The following RNLS variants were observed in gnomAD, a reference collection of about 807,000 sequenced individuals.
RNLS encodes the protein renalase.
Under a neutral mutation model 39.8 loss-of-function variants are expected in RNLS, and 39 were observed. The observed-to-expected ratio is 0.98, with a 90% CI of 0.76 to 1.28. The LOEUF is 1.28. Ranked by LOEUF, RNLS falls within the 50% of genes most tolerant of loss-of-function variation. The pLI is 0.00. For synonymous variants in RNLS, 147 were observed against 150.7 expected (o/e 0.98, Z 0.18); for missense variants, 410 against 413.3 (o/e 0.99, Z 0.07).
the RNLS span, among the ~76,000 whole-genome samples, chr10:88,225,991 G>A: frequency 6.6e-6 from 1 of 151,904 alleles, no homozygotes; most frequent in Admixed American, 6.6e-5. Flanking sequence ...CTACTGGAGT[G>A]TTTTGTATTA....
chr10:88,217,778 G>C, the RNLS span, among the ~76,000 whole-genome samples: 1 of 140,594 alleles, frequency 7.1e-6, no homozygotes, highest in Non-Finnish European at 1.5e-5. Flanking sequence ...AGTGGCTCAC[G>C]CCTGTAATCC....
intron 3 of RNLS, among the ~76,000 whole-genome samples, chr10:88,581,196 G>T (rs1238511571): frequency 6.6e-6 from 1 of 151,444 alleles, no homozygotes; most frequent in Non-Finnish European, 1.5e-5. Flanking sequence ...TCCAAGATAT[G>T]AGTCAAACAA....
At chr10:88,445,752 A>T (rs894268535) in intron 4 of RNLS, among the ~76,000 whole-genome samples, 1 of 152,268 alleles carries the variant, frequency 6.6e-6, no homozygotes, top group Non-Finnish European at 1.5e-5. Context: ...TCAATTCCAC[A>T]GGAAGAGCTA....
intron 4 of RNLS, among the ~76,000 whole-genome samples, chr10:88,539,669 T>A (rs1434074295): frequency 6.6e-6 from 1 of 152,122 alleles, no homozygotes; most frequent in East Asian, 1.9e-4. Context: ...AATCAATCTC[T>A]GTAAATATCT....
chr10:88,181,248 C>T, the RNLS span, among the ~76,000 whole-genome samples: 4 of 152,096 alleles, frequency 2.6e-5, no homozygotes, highest in Non-Finnish European at 5.9e-5. Context: ...TCTCTAGAAG[C>T]TAGGAGCAGT....
chr10:88,218,256 A>C, the RNLS span, among the ~76,000 whole-genome samples: 1 of 152,246 alleles, frequency 6.6e-6, no homozygotes, highest in Non-Finnish European at 1.5e-5. Context: ...TGTGCCTGTC[A>C]AAATATAAGC....
the RNLS span, among the ~76,000 whole-genome samples, chr10:88,244,991 G>C: frequency 6.6e-6 from 1 of 152,122 alleles, no homozygotes; most frequent in South Asian, 2.1e-4. Context: ...GTGTCCTCGT[G>C]ATCAGTTGAG....
chr10:88,495,714 G>A (rs1536252), intron 4 of RNLS, among the ~76,000 whole-genome samples: 28,471 of 151,992 alleles, frequency 0.19, 2,938 homozygotes, highest in Middle Eastern at 0.29. Flanking sequence ...GTGGGGCAGG[G>A]ATGGGATGAG....
intron 4 of RNLS, among the ~76,000 whole-genome samples, chr10:88,383,781 T>C (rs1431643059): frequency 3.3e-5 from 5 of 152,172 alleles, no homozygotes; most frequent in Non-Finnish European, 7.4e-5. Flanking sequence ...TAAAATCATA[T>C]GTTCATCAAC....
At chr10:88,567,420 T>C (rs1428495611) in intron 4 of RNLS, among the ~76,000 whole-genome samples, 1 of 152,244 alleles carries the variant, frequency 6.6e-6, no homozygotes, top group African/African-American at 2.4e-5. Flanking sequence ...TCTCTCTTGA[T>C]ATACAAAACT....
chr10:88,504,278 A>G (rs1161624896), intron 4 of RNLS, among the ~76,000 whole-genome samples: 2 of 152,128 alleles, frequency 1.3e-5, no homozygotes, highest in Non-Finnish European at 2.9e-5. Context: ...GGTTATATGT[A>G]CCTGTGAGAA....
chr10:88,274,653 T>C (rs1040063483), exon 7 of RNLS: 11 of 284,856 alleles, frequency 3.9e-5, no homozygotes, highest in East Asian at 7.2e-5. Flanking sequence ...CTGTGAACAT[T>C]GGTGTACAAA....
At chr10:88,233,053 G>A in the RNLS span, among the ~76,000 whole-genome samples, 36 of 152,172 alleles carry the variant, frequency 2.4e-4, no homozygotes, top group African/African-American at 8.4e-4. Flanking sequence ...TGTTTCGCAG[G>A]AGGAAGTGGA....
At chr10:88,463,497 A>G (rs1413101572) in intron 4 of RNLS, among the ~76,000 whole-genome samples, 1 of 152,024 alleles carries the variant, frequency 6.6e-6, no homozygotes, top group Non-Finnish European at 1.5e-5. Flanking sequence ...TAAGCCACCC[A>G]GTCTGTGGTA....
exon 7 of RNLS, chr10:88,274,868 T>C (rs1564654825): frequency 1.1e-6 from 1 of 914,112 alleles, no homozygotes; most frequent in Non-Finnish European, 1.8e-6. Context: ...TCTGTTTTGC[T>C]TCTAAATAAT....
At chr10:88,537,104 G>T (rs1457795297) in intron 4 of RNLS, among the ~76,000 whole-genome samples, 1 of 152,258 alleles carries the variant, frequency 6.6e-6, no homozygotes, top group Non-Finnish European at 1.5e-5. Flanking sequence ...AGAGATCTTG[G>T]AAGGCAGCAA....
At chr10:88,467,142 A>C (rs567253265) in intron 4 of RNLS, among the ~76,000 whole-genome samples, 1 of 152,188 alleles carries the variant, frequency 6.6e-6, no homozygotes, top group East Asian at 1.9e-4. Flanking sequence ...CTCAGACTCC[A>C]TTATTTCATT....
At chr10:88,280,521 G>T (rs932030823), downstream of RNLS, among the ~76,000 whole-genome samples, 4 of 152,078 alleles carry the variant, frequency 2.6e-5, no homozygotes, top group African/African-American at 4.8e-5. Flanking sequence ...ACAGATGTGT[G>T]GGGGGAGGGG....
Position 88,488,478 on chromosome 10 carries a change from C to T in RNLS, c.526+84425G>A, listed in dbSNP as rs1035951630. Among the ~76,000 whole-genome samples, 11 of 145,158 alleles carry T rather than the reference C, an allele frequency of 7.6e-5. No homozygotes were observed. In the East Asian group the frequency reaches 1.6e-3, roughly 22 times the overall value. ...GGAGAATTGCTTGAACCTGGGAGGCCAAGGTTGTGGTGAGCTGACATTGCG... is the reference window on the plus strand; with the variant it reads ...GGAGAATTGCTTGAACCTGGGAGGCTAAGGTTGTGGTGAGCTGACATTGCG... On this transcript the variant is annotated intron_variant, in intron 4 of 6. Transcript: ENST00000331772.
Sources: gnomAD v4.1 joint callset for allele counts (sites outside exome capture counted in the v4.1 genomes callset) on GRCh38, gnomAD v4.1.1 for gene constraint, MANE v1.5 for transcripts, NCBI Gene and HGNC (gene_info 2026-07-23, HGNC 2026-07-21) for gene names.